SLC35F1: variants seen among roughly 807,000 people sequenced by gnomAD.
SLC35F1 encodes the protein solute carrier family 35 member F1, also known as chromosome 6 open reading frame 169.
SLC35F1 carries 14 observed loss-of-function variants against 48.7 expected under a neutral mutation model. The ratio of observed to expected loss-of-function variants is 0.29; its 90% CI spans 0.19 to 0.45. SLC35F1 has a LOEUF of 0.45. Among genes scored for constraint, SLC35F1 ranks in the 20% least tolerant of loss-of-function variants. SLC35F1 has a pLI of 1.00. For synonymous variants in SLC35F1, 190 were observed against 202.2 expected, an observed-to-expected ratio of 0.94 and a Z score of 0.51; for missense variants, 404 against 500.0, an observed-to-expected ratio of 0.81 and a Z score of 1.83.
intron 1 of SLC35F1, among the ~76,000 whole-genome samples, chr6:118,130,702 C>A (rs1009821053): frequency 2.6e-5 from 4 of 151,622 alleles, no homozygotes; most frequent in African/African-American, 9.7e-5. Context: ...ATTTTATCTG[C>A]AATTTTGTAT....
At chr6:118,019,504 C>T (rs1488501170) in intron 1 of SLC35F1, among the ~76,000 whole-genome samples, 1 of 151,970 alleles carries the variant, frequency 6.6e-6, no homozygotes, top group East Asian at 1.9e-4. Flanking sequence ...TGCCTATAGT[C>T]GCAGCTACTG....
intron 2 of SLC35F1, among the ~76,000 whole-genome samples, chr6:118,177,845 G>A (rs1200157213): frequency 1.3e-5 from 2 of 151,942 alleles, no homozygotes; most frequent in Non-Finnish European, 2.9e-5. Context: ...CCTTACTCAG[G>A]AATGTTTTCC....
At chr6:118,205,920 G>A (rs142615987) in intron 2 of SLC35F1, among the ~76,000 whole-genome samples, 65 of 152,238 alleles carry the variant, frequency 4.3e-4, no homozygotes, top group African/African-American at 1.5e-3. Flanking sequence ...CTTATATGAG[G>A]TATATAGACT....
In SLC35F1 at chr6:118,056,265, C is replaced by A. The variant is rs904967995; in HGVS notation, c.174-98180C>A. On this transcript the variant is annotated intron_variant, in intron 1 of 7. Transcript: ENST00000360388. Reference sequence around the variant, plus strand: ...GTATAATTTAAATTTGTATATCATTCTTTAAAATAATTTTGTTTATTTCAT... The same window carrying A: ...GTATAATTTAAATTTGTATATCATTATTTAAAATAATTTTGTTTATTTCAT... 5.3e-5 allele frequency among the ~76,000 whole-genome samples: 8 copies of A among 152,134 alleles called. No homozygotes were observed. In the East Asian group the frequency reaches 7.7e-4, roughly 15 times the overall value.
intron 1 of SLC35F1, among the ~76,000 whole-genome samples, chr6:118,112,102 T>TTTTCC (rs1159028435): frequency 9.7e-5 from 8 of 82,130 alleles, no homozygotes; most frequent in Admixed American, 3.5e-4. Flanking sequence ...TTTTCTTTTC[T>TTTTCC]TTTCTTTTCT....
chr6:118,057,118 C>T (rs1020413008), intron 1 of SLC35F1, among the ~76,000 whole-genome samples: 1 of 152,068 alleles, frequency 6.6e-6, no homozygotes, highest in Non-Finnish European at 1.5e-5. Flanking sequence ...AATTTAAACT[C>T]CAGAGTCTAT....
chr6:117,980,696 A>G (rs1195136241), intron 1 of SLC35F1, among the ~76,000 whole-genome samples: 1 of 152,212 alleles, frequency 6.6e-6, no homozygotes, highest in Non-Finnish European at 1.5e-5. Context: ...TGTAGTAAAG[A>G]CTAACTAGAA....
At chr6:118,126,655 C>T (rs1372460666) in intron 1 of SLC35F1, among the ~76,000 whole-genome samples, 8 of 151,170 alleles carry the variant, frequency 5.3e-5, no homozygotes, top group Non-Finnish European at 1.0e-4. Flanking sequence ...CTTTTATTTC[C>T]TTGAGCAGTG....
chr6:118,087,976 G>C (rs1488769931), intron 1 of SLC35F1, among the ~76,000 whole-genome samples: 1 of 152,136 alleles, frequency 6.6e-6, no homozygotes, highest in Non-Finnish European at 1.5e-5. Context: ...TCTTCTTATA[G>C]ATTTAGAATA....
At chr6:118,024,930 A>AT (rs1313207367) in intron 1 of SLC35F1, among the ~76,000 whole-genome samples, 1 of 152,122 alleles carries the variant, frequency 6.6e-6, no homozygotes, top group Non-Finnish European at 1.5e-5. Flanking sequence ...AAATTTCTGT[A>AT]TTTTTTAAAT....
At chr6:118,112,413 C>T (rs1773420625) in intron 1 of SLC35F1, among the ~76,000 whole-genome samples, 1 of 152,218 alleles carries the variant, frequency 6.6e-6, no homozygotes, top group African/African-American at 2.4e-5. Context: ...TATATACAAG[C>T]ATTGTACCTA....
At chr6:117,923,629 A>ATATATG (rs1775941091) in intron 1 of SLC35F1, among the ~76,000 whole-genome samples, 1 of 77,364 alleles carries the variant, frequency 1.3e-5, no homozygotes. Flanking sequence ...GTATATATAC[A>ATATATG]TATATGTACA....
intron 1 of SLC35F1, among the ~76,000 whole-genome samples, chr6:118,047,738 G>A (rs1256107718): frequency 6.6e-6 from 1 of 152,124 alleles, no homozygotes; most frequent in Non-Finnish European, 1.5e-5. Context: ...TACACAAGAT[G>A]GTAACTGTCC....
chr6:117,947,004 T>C (rs1026264365), intron 1 of SLC35F1, among the ~76,000 whole-genome samples: 3 of 152,154 alleles, frequency 2.0e-5, no homozygotes, highest in African/African-American at 7.2e-5. Context: ...CTTACATCCA[T>C]TTGGGGGAAG....
At chr6:117,982,249 T>G (rs1776790320) in intron 1 of SLC35F1, among the ~76,000 whole-genome samples, 1 of 152,218 alleles carries the variant, frequency 6.6e-6, no homozygotes, top group Admixed American at 6.5e-5. Context: ...CTTTACTGGG[T>G]GTATTTCTGT....
intron 2 of SLC35F1, among the ~76,000 whole-genome samples, chr6:118,155,522 G>A (rs1582699152): frequency 6.6e-6 from 1 of 152,092 alleles, no homozygotes; most frequent in African/African-American, 2.4e-5. Flanking sequence ...TGAGGATGCC[G>A]CGAAAAGGCC....
chr6:117,941,766 A>C (rs1213697863), intron 1 of SLC35F1, among the ~76,000 whole-genome samples: 1 of 152,218 alleles, frequency 6.6e-6, no homozygotes, highest in Non-Finnish European at 1.5e-5. Context: ...ATTTATATTT[A>C]ATAGTGTTTC....
At chr6:118,003,489 G>T (rs1046413145) in intron 1 of SLC35F1, among the ~76,000 whole-genome samples, 13 of 152,198 alleles carry the variant, frequency 8.5e-5, no homozygotes. Flanking sequence ...AGCTAGGTAG[G>T]TTGTCCTTAT....
intron 1 of SLC35F1, among the ~76,000 whole-genome samples, chr6:118,088,727 A>T (rs1215728985): frequency 6.6e-6 from 1 of 152,196 alleles, no homozygotes; most frequent in African/African-American, 2.4e-5. Flanking sequence ...GCATTCAGCC[A>T]TAGGGGTGAT....
Sources: allele counts gnomAD v4.1 joint callset (sites outside exome capture counted in the v4.1 genomes callset), GRCh38; gene constraint gnomAD v4.1.1; transcripts MANE v1.5; gene names NCBI Gene and HGNC (gene_info 2026-07-23, HGNC 2026-07-21).